The following HIBADH variants were observed in gnomAD, a reference collection of about 807,000 sequenced individuals.
The protein encoded by HIBADH is 3-hydroxyisobutyrate dehydrogenase, mitochondrial.
A neutral mutation model predicts 36.1 loss-of-function variants in HIBADH; 25 were observed. That is an observed-to-expected ratio of 0.69 (90% CI 0.50 to 0.97). The LOEUF is 0.97. Among genes scored for constraint, HIBADH ranks in the 50% least tolerant of loss-of-function variants. The pLI is 0.00. For synonymous variants in HIBADH, 160 were observed against 149.5 expected (o/e 1.07, Z -0.51); for missense variants, 421 against 418.0 (o/e 1.01, Z -0.06).
At chr7:27,591,457 A>G (rs1784938071) in intron 4 of HIBADH, among the ~76,000 whole-genome samples, 1 of 152,054 alleles carries the variant, frequency 6.6e-6, no homozygotes, top group South Asian at 2.1e-4. Context: ...AGGCTGAGGT[A>G]GAAGAATGGT....
intron 7 of HIBADH, among the ~76,000 whole-genome samples, chr7:27,530,259 G>A (rs933706404): frequency 3.3e-5 from 5 of 151,962 alleles, no homozygotes; most frequent in African/African-American, 1.2e-4. Flanking sequence ...AGGCTGGAGT[G>A]CAATGGTGCT....
intron 6 of HIBADH, among the ~76,000 whole-genome samples, chr7:27,534,989 AAATGCCATC>A (rs1233987198): frequency 2.0e-5 from 3 of 149,168 alleles, no homozygotes; most frequent in East Asian, 4.1e-4. Flanking sequence ...ATGTATGCCC[AAATGCCATC>A]GTACTGGCTA....
chr7:27,562,447 T>C (rs558041337), intron 4 of HIBADH, among the ~76,000 whole-genome samples: 9 of 152,382 alleles, frequency 5.9e-5, no homozygotes, highest in African/African-American at 2.2e-4. Flanking sequence ...CCCAATCTTA[T>C]AGACCATTTA....
At chr7:27,657,781 T>C (rs1786333653) in intron 1 of HIBADH, among the ~76,000 whole-genome samples, 2 of 152,186 alleles carry the variant, frequency 1.3e-5, no homozygotes, top group Non-Finnish European at 1.5e-5. Flanking sequence ...GTTCCTATCC[T>C]GATAAGTTCA....
Position 27,531,283 on chromosome 7 carries a change from C to T in HIBADH, c.761G>A (p.Ser254Asn). The change falls in exon 7 of 8, where the codon AGT (serine) becomes AAT (asparagine). Residue 254 changes from serine to asparagine, a missense_variant. Transcript: ENST00000265395. ...TCCAGGTACAGGATTATAAGTGTCA[C>T]TTGACCAACACCGTCCTGAGCTCAT... ...LNMSSGRCWS[S>N]DTYNPVPGVM... is the part of the protein sequence containing the mutation. 2 of 1,614,030 alleles carry T rather than the reference C, an allele frequency of 1.2e-6. No individual in the cohort carries two copies. The highest frequency in any genetic ancestry group is 1.7e-6 in the Non-Finnish European group (2 of 1,179,946).
intron 1 of HIBADH, among the ~76,000 whole-genome samples, chr7:27,658,369 T>C (rs1786345532): frequency 6.6e-6 from 1 of 152,208 alleles, no homozygotes; most frequent in Non-Finnish European, 1.5e-5. Context: ...AGCATTAGTG[T>C]CTATTACTGA....
intron 4 of HIBADH, among the ~76,000 whole-genome samples, chr7:27,585,195 A>G (rs1784840679): frequency 1.3e-5 from 2 of 151,512 alleles, no homozygotes; most frequent in Non-Finnish European, 3.0e-5. Context: ...ATGCACACAC[A>G]TATGTATGTA....
intron 4 of HIBADH, among the ~76,000 whole-genome samples, chr7:27,560,679 A>G (rs751592905): frequency 1.3e-5 from 2 of 152,218 alleles, no homozygotes; most frequent in Non-Finnish European, 2.9e-5. Flanking sequence ...TACTGTCTCA[A>G]TAACATTCCA....
chr7:27,646,539 GTTT>G (rs1001396830), intron 2 of HIBADH, among the ~76,000 whole-genome samples: 1 of 149,658 alleles, frequency 6.7e-6, no homozygotes, highest in Non-Finnish European at 1.5e-5. Context: ...TTTCTGGTTT[GTTT>G]TTTTTTCTTT....
intron 4 of HIBADH, among the ~76,000 whole-genome samples, chr7:27,570,554 G>T (rs969298287): frequency 6.6e-6 from 1 of 152,092 alleles, no homozygotes; most frequent in Non-Finnish European, 1.5e-5. Context: ...CTACAAAAAA[G>T]CATGCGGGGA....
At chr7:27,611,078 CAAGTA>C (rs1785312981) in intron 4 of HIBADH, among the ~76,000 whole-genome samples, 1 of 152,134 alleles carries the variant, frequency 6.6e-6, no homozygotes. Flanking sequence ...TTAACTCAGC[CAAGTA>C]GAGTATAAAA....
intron 4 of HIBADH, among the ~76,000 whole-genome samples, chr7:27,564,469 A>G (rs1156828040): frequency 6.6e-6 from 1 of 152,212 alleles, no homozygotes; most frequent in African/African-American, 2.4e-5. Context: ...ATTTGTCAAA[A>G]AACAAAAACA....
intron 4 of HIBADH, among the ~76,000 whole-genome samples, chr7:27,557,712 AG>A (rs1784413383): frequency 6.6e-6 from 1 of 152,142 alleles, no homozygotes; most frequent in African/African-American, 2.4e-5. Context: ...GCTTCTTATA[AG>A]GGGGCCTAAT....
intron 4 of HIBADH, among the ~76,000 whole-genome samples, chr7:27,595,472 C>A (rs924366126): frequency 1.7e-4 from 26 of 151,890 alleles, no homozygotes; most frequent in African/African-American, 6.0e-4. Context: ...GAGCCTAGAC[C>A]GTGGCAGTGA....
At chr7:27,650,177 G>C (rs1157195932) in intron 1 of HIBADH, among the ~76,000 whole-genome samples, 1 of 150,726 alleles carries the variant, frequency 6.6e-6, no homozygotes, top group South Asian at 2.1e-4. Context: ...ATAAAAGACA[G>C]AAAGTATTCA....
intron 4 of HIBADH, among the ~76,000 whole-genome samples, chr7:27,546,285 T>A (rs1425374412): frequency 2.0e-5 from 3 of 151,948 alleles, no homozygotes; most frequent in Non-Finnish European, 4.4e-5. Context: ...TTTGTTGTTG[T>A]TGTTGTTGTT....
intron 1 of HIBADH, among the ~76,000 whole-genome samples, chr7:27,651,134 T>C (rs1022286059): frequency 3.3e-5 from 5 of 152,336 alleles, no homozygotes; most frequent in East Asian, 1.9e-4. Flanking sequence ...TCAGGTCCCC[T>C]CAACTGAACT....
chr7:27,605,298 G>C (rs1417461420), intron 4 of HIBADH, among the ~76,000 whole-genome samples: 1 of 151,804 alleles, frequency 6.6e-6, no homozygotes, highest in Non-Finnish European at 1.5e-5. Context: ...AAACAGTACA[G>C]GAAACTCAAG....
intron 4 of HIBADH, among the ~76,000 whole-genome samples, chr7:27,594,418 C>T (rs1034120038): frequency 6.6e-6 from 1 of 152,168 alleles, no homozygotes; most frequent in African/African-American, 2.4e-5. Context: ...GCTGGGATTA[C>T]AGGCGTGAGC....
Sources: gnomAD v4.1 joint callset for allele counts (sites outside exome capture counted in the v4.1 genomes callset) on GRCh38, gnomAD v4.1.1 for gene constraint, MANE v1.5 for transcripts, NCBI Gene and HGNC (gene_info 2026-07-23, HGNC 2026-07-21) for gene names.